Variants in RNLS observed in about 807,000 individuals in gnomAD.
RNLS encodes renalase.
Under a neutral mutation model 39.8 loss-of-function variants are expected in RNLS, and 39 were observed. The ratio of observed to expected loss-of-function variants is 0.98; its 90% confidence interval spans 0.76 to 1.28. The LOEUF is 1.28. Among genes scored for constraint, RNLS ranks in the 50% most tolerant of loss-of-function variants. The pLI, the probability that RNLS is intolerant of heterozygous loss-of-function variation, is 0.00. For synonymous variants in RNLS, 147 were observed against 150.7 expected, an observed-to-expected ratio of 0.98 and a Z score of 0.18; for missense variants, 410 against 413.3, an observed-to-expected ratio of 0.99 and a Z score of 0.07.
chr10:88,187,166 TA>T, the RNLS span, among the ~76,000 whole-genome samples: 75 of 52,166 alleles, frequency 1.4e-3, 4 homozygotes, highest in South Asian at 0.025. Context: ...ATAATATATA[TA>T]ATATATATAT....
chr10:88,287,804 G>A (rs956793199), intron 6 of RNLS, among the ~76,000 whole-genome samples: 4 of 152,058 alleles, frequency 2.6e-5, no homozygotes, highest in African/African-American at 9.7e-5. Flanking sequence ...TCACTATCAT[G>A]AGCACAGAAT....
intron 4 of RNLS, among the ~76,000 whole-genome samples, chr10:88,439,973 T>C (rs536724343): frequency 1.3e-5 from 2 of 152,340 alleles, no homozygotes; most frequent in South Asian, 2.1e-4. Flanking sequence ...CTATGGCACA[T>C]TGATTCCTTC....
At chr10:88,569,775 T>C (rs1392504399) in intron 4 of RNLS, among the ~76,000 whole-genome samples, 2 of 152,102 alleles carry the variant, frequency 1.3e-5, no homozygotes, top group African/African-American at 4.8e-5. Flanking sequence ...ATGAACAAGA[T>C]TGACACATGT....
rs141497587 is a variant in RNLS, at chr10:88,511,820, T to C, written c.526+61083A>G. 3.2e-3 allele frequency among the ~76,000 whole-genome samples: 490 copies of C among 152,332 alleles called. 5 individuals are homozygous for C. Among genetic ancestry groups the C allele is most frequent in the African/African-American group, 0.011 (445 of 41,578 alleles). ...GATTTAACAACCTGGAAGTCACTCA[T>C]GTTCTTAACAAAGTGATAGTCATGC... is the stretch of plus-strand genomic sequence containing the variant. On this transcript the variant is annotated intron_variant, in intron 4 of 6. Transcript: ENST00000331772.
chr10:88,213,958 T>A, the RNLS span, among the ~76,000 whole-genome samples: 3 of 152,178 alleles, frequency 2.0e-5, no homozygotes, highest in African/African-American at 7.2e-5. Context: ...AAAAAGGGAA[T>A]TCATGGGCTT....
chr10:88,571,787 T>C (rs1188632306), intron 4 of RNLS, among the ~76,000 whole-genome samples: 1 of 152,218 alleles, frequency 6.6e-6, no homozygotes, highest in Non-Finnish European at 1.5e-5. Context: ...ACTTCCCTGT[T>C]CACCTCTGGA....
intron 4 of RNLS, among the ~76,000 whole-genome samples, chr10:88,398,394 G>A (rs1486957141): frequency 6.6e-6 from 1 of 151,934 alleles, no homozygotes; most frequent in Admixed American, 6.6e-5. Context: ...GGTGGATAGT[G>A]GCCCAGAGTG....
intron 4 of RNLS, among the ~76,000 whole-genome samples, chr10:88,452,899 T>C (rs1419359904): frequency 6.6e-6 from 1 of 152,164 alleles, no homozygotes; most frequent in Non-Finnish European, 1.5e-5. Flanking sequence ...AAATACAAGT[T>C]CAGTGTTATG....
At chr10:88,461,402 G>C (rs1842929252) in intron 4 of RNLS, among the ~76,000 whole-genome samples, 1 of 152,112 alleles carries the variant, frequency 6.6e-6, no homozygotes. Context: ...AAGCAAGCAG[G>C]CTTTCTCCAT....
At chr10:88,362,789 A>G in intron 4 of RNLS, 64 bp from the exon 5 acceptor site, 2 of 1,493,712 alleles carry the variant, frequency 1.3e-6, no homozygotes, top group African/African-American at 1.4e-5. Flanking sequence ...AGCACATCAA[A>G]TATAAAATTC....
At chr10:88,321,457 C>A (rs892148242) in intron 5 of RNLS, among the ~76,000 whole-genome samples, 3 of 151,832 alleles carry the variant, frequency 2.0e-5, no homozygotes, top group African/African-American at 7.3e-5. Flanking sequence ...AAGATCAGAG[C>A]AGAATGACAT....
At chr10:88,473,042 T>TA (rs946297076) in intron 4 of RNLS, among the ~76,000 whole-genome samples, 1 of 152,232 alleles carries the variant, frequency 6.6e-6, no homozygotes, top group Non-Finnish European at 1.5e-5. Context: ...ACTACACACC[T>TA]AGGCTAGGTG....
intron 3 of RNLS, among the ~76,000 whole-genome samples, chr10:88,574,364 T>C (rs1850029473): frequency 6.6e-6 from 1 of 152,192 alleles, no homozygotes; most frequent in Non-Finnish European, 1.5e-5. Flanking sequence ...ACGTTCCTAG[T>C]CACTAAAAAT....
chr10:88,276,800 G>A (rs772031164), intron 6 of RNLS, among the ~76,000 whole-genome samples: 7 of 152,060 alleles, frequency 4.6e-5, no homozygotes, highest in Non-Finnish European at 7.4e-5. Context: ...TCAGGTTAAC[G>A]AAATCCCACT....
chr10:88,198,007 G>A, the RNLS span, among the ~76,000 whole-genome samples: 2 of 152,154 alleles, frequency 1.3e-5, no homozygotes, highest in Non-Finnish European at 2.9e-5. Flanking sequence ...AACCCCTGTG[G>A]TGAATACTAT....
chr10:88,371,928 A>G (rs1850591191), intron 4 of RNLS, among the ~76,000 whole-genome samples: 2 of 152,182 alleles, frequency 1.3e-5, no homozygotes, highest in South Asian at 4.1e-4. Flanking sequence ...AGCAAGATAA[A>G]GTTATCTTAA....
chr10:88,494,511 C>T (rs768577119), intron 4 of RNLS, among the ~76,000 whole-genome samples: 5 of 152,100 alleles, frequency 3.3e-5, no homozygotes, highest in Non-Finnish European at 7.4e-5. Flanking sequence ...ACTTGAACCT[C>T]TACTTACTTT....
chr10:88,366,269 G>A lies in RNLS; in HGVS notation c.527-3544C>T, dbSNP rs541496246. On this transcript the variant is annotated intron_variant, in intron 4 of 6. Transcript: ENST00000331772. The stretch of plus-strand genomic sequence containing the variant: ...GGATTTACACGGGAAGCTACTACTC[G>A]TTATGAGCCAAGGACAGACATGGCA... 4.2e-4 allele frequency among the ~76,000 whole-genome samples: 64 copies of A among 152,130 alleles called. 1 individual carries two copies. The South Asian group carries it at 0.011, about 27-fold the overall frequency.
chr10:88,444,845 T>C (rs959205245), intron 4 of RNLS, among the ~76,000 whole-genome samples: 2 of 152,122 alleles, frequency 1.3e-5, no homozygotes, highest in Non-Finnish European at 2.9e-5. Flanking sequence ...CTACGTCTGA[T>C]TGGTGTACCT....
Sources: allele counts gnomAD v4.1 joint callset (sites outside exome capture counted in the v4.1 genomes callset), GRCh38; gene constraint gnomAD v4.1.1; transcripts MANE v1.5; gene names NCBI Gene and HGNC (gene_info 2026-07-23, HGNC 2026-07-21).